Variants in SYT16 observed in about 807,000 individuals in gnomAD.
SYT16 encodes synaptotagmin-16.
A neutral mutation model predicts 61.4 loss-of-function variants in SYT16; 42 were observed. That is an observed-to-expected ratio of 0.68 (90% CI 0.53 to 0.89). The LOEUF is 0.89. Ranked by LOEUF, SYT16 falls within the 40% of genes least tolerant of loss-of-function variation. The probability of loss-of-function intolerance (pLI) is 0.00; values close to 1 mark genes in which losing one functional copy is unlikely to be tolerated. For synonymous variants in SYT16, 314 were observed against 302.3 expected (o/e 1.04, Z -0.40); for missense variants, 804 against 807.3 (o/e 1.00, Z 0.05).
chr14:61,979,583 A>G (rs1488603041), intron 2 of SYT16, among the ~76,000 whole-genome samples: 1 of 152,124 alleles, frequency 6.6e-6, no homozygotes, highest in Non-Finnish European at 1.5e-5. Flanking sequence ...TTTTCATTAG[A>G]TGATTAAAAA....
chr14:61,977,049 G>C (rs760973004), intron 2 of SYT16, among the ~76,000 whole-genome samples: 34 of 152,260 alleles, frequency 2.2e-4, no homozygotes, highest in Admixed American at 1.8e-3. Context: ...CATAGCAAGG[G>C]TGGCCTTTGC....
chr14:61,866,928 C>T (rs1377197941), intron 1 of SYT16, among the ~76,000 whole-genome samples: 1 of 151,398 alleles, frequency 6.6e-6, no homozygotes, highest in Non-Finnish European at 1.5e-5. Context: ...TATATTTTTG[C>T]TTATGTTGTG....
At position 61,830,061 on chromosome 14, in the gene SYT16, G is replaced by A. The variant is rs147185763; in HGVS notation, c.-325+17251G>A. Among the ~76,000 whole-genome samples, 321 of 152,194 alleles carry A rather than the reference G, an allele frequency of 2.1e-3. 3 individuals are homozygous for A. Among genetic ancestry groups the A allele is most frequent in the African/African-American group, 6.9e-3 (287 of 41,536 alleles). ...AAAAATTAAGTTATTGTATTTTTCA[G>A]TTCTATTATTTTCAGTTTTATTCTT... is the stretch of plus-strand genomic sequence containing the variant. On this transcript the variant is annotated intron_variant, in intron 1 of 7. Transcript: ENST00000683842.
chr14:61,909,535 C>T (rs747350415), intron 1 of SYT16, among the ~76,000 whole-genome samples: 10 of 152,150 alleles, frequency 6.6e-5, no homozygotes, highest in Non-Finnish European at 1.0e-4. Context: ...GTGTGTCTCT[C>T]CTGTGTGACT....
At chr14:62,044,027 T>A (rs554269263) in intron 3 of SYT16, among the ~76,000 whole-genome samples, 1 of 152,220 alleles carries the variant, frequency 6.6e-6, no homozygotes, top group Non-Finnish European at 1.5e-5. Context: ...AACATAGATT[T>A]GAATTGCACA....
rs533433895 is a variant in SYT16 at position 61,902,651 on chromosome 14, G to C, written c.-324-67481G>C. Among the ~76,000 whole-genome samples, 180 of 152,268 alleles carry C rather than the reference G, an allele frequency of 1.2e-3. 2 individuals are homozygous for C. The highest frequency in any genetic ancestry group is 3.4e-3 in the Middle Eastern group (1 of 294). On this transcript the variant is annotated intron_variant, in intron 1 of 7. Coordinates refer to ENST00000683842, the MANE Select transcript of SYT16 (RefSeq NM_001367656.1). ...CTTGGCTTTTGGTGGTTTGCTTGTT[G>C]TATCAGTCCATTTTCACGCTGCTGA...
intron 2 of SYT16, among the ~76,000 whole-genome samples, chr14:61,983,608 C>A (rs968823048): frequency 6.6e-6 from 1 of 152,052 alleles, no homozygotes; most frequent in Admixed American, 6.6e-5. Context: ...TCACTGTGAT[C>A]TCAACTTATT....
chr14:61,937,703 A>C (rs2050037932), intron 1 of SYT16, among the ~76,000 whole-genome samples: 1 of 152,158 alleles, frequency 6.6e-6, no homozygotes. Flanking sequence ...AATGGAAGTC[A>C]GCTTTAGGCA....
At chr14:61,873,033 G>C (rs1037711801) in intron 1 of SYT16, among the ~76,000 whole-genome samples, 1 of 151,994 alleles carries the variant, frequency 6.6e-6, no homozygotes, top group Non-Finnish European at 1.5e-5. Flanking sequence ...AGCCTTATCT[G>C]TTTGTTTTTT....
intron 3 of SYT16, among the ~76,000 whole-genome samples, chr14:62,061,575 G>A (rs1368262377): frequency 1.3e-5 from 2 of 152,216 alleles, no homozygotes; most frequent in East Asian, 1.9e-4. Context: ...CAAACTGTGA[G>A]CATAAGGAAG....
rs893346141 is a variant in SYT16, at chr14:61,923,773, TA to T, written c.-324-46351del. 2.2e-4 allele frequency among the ~76,000 whole-genome samples: 33 copies of T among 152,050 alleles called. No homozygotes were observed. The South Asian group carries it at 2.9e-3, about 13-fold the overall frequency. On this transcript the variant is annotated intron_variant, in intron 1 of 7. Coordinates refer to ENST00000683842, the MANE Select transcript of SYT16 (RefSeq NM_001367656.1). ...CTTAATTATCTAGTATTTGGTTTTT[TA>T]AAAAAAAGTTCTTGAAAATCATGCT...
At position 62,081,213 on chromosome 14, in the gene SYT16, A is replaced by T; in HGVS notation, c.1373A>T (p.His458Leu). ...GGAGAGAAACTATTCTATCTCAGCC[A>T]CCTGCACCCAGAAGGGGAAATGAAA... Reference protein sequence around the residue: ...MMGEKLFYLSHLHPEGEMKVT... With the variant: ...MMGEKLFYLSLLHPEGEMKVT... Residue 458 changes from histidine to leucine, a missense_variant, in exon 6 of 8, where the codon CAC (histidine) becomes CTC (leucine). Transcript: ENST00000683842. 5.6e-6 allele frequency: 9 copies of T among 1,613,992 alleles called. No homozygotes were observed. Among genetic ancestry groups the T allele is most frequent in the Non-Finnish European group, 7.6e-6 (9 of 1,179,878 alleles).
Position 61,873,898 on chromosome 14 carries a change from C to T in SYT16, c.-325+61088C>T, listed in dbSNP as rs543639156. Among the ~76,000 whole-genome samples the T allele has an allele frequency of 1.4e-4, 21 of 152,188 alleles. No homozygotes were observed. In the East Asian group the frequency reaches 3.5e-3, roughly 25 times the overall value. Reference sequence around the variant, plus strand: ...GGGATGGTGGGCCTTTTAAAATTTTCGTATGTATTGTGAAATGTTGGATAT... The same window carrying T: ...GGGATGGTGGGCCTTTTAAAATTTTTGTATGTATTGTGAAATGTTGGATAT... On this transcript the variant is annotated intron_variant, in intron 1 of 7. Coordinates refer to ENST00000683842, the MANE Select transcript of SYT16 (RefSeq NM_001367656.1).
At chr14:62,096,254 A>G (rs1170656150) in intron 7 of SYT16, among the ~76,000 whole-genome samples, 1 of 152,080 alleles carries the variant, frequency 6.6e-6, no homozygotes, top group African/African-American at 2.4e-5. Flanking sequence ...AACTGACTAT[A>G]AATGAAGCTG....
intron 2 of SYT16, among the ~76,000 whole-genome samples, chr14:61,984,161 C>A (rs1274226754): frequency 1.3e-5 from 2 of 152,170 alleles, no homozygotes; most frequent in Non-Finnish European, 2.9e-5. Context: ...AATGCCTCCA[C>A]CCCTTCTGCC....
intron 3 of SYT16, among the ~76,000 whole-genome samples, chr14:62,005,625 TAAG>T (rs1451200986): frequency 6.6e-6 from 1 of 152,188 alleles, no homozygotes; most frequent in Admixed American, 6.5e-5. Flanking sequence ...ACAGGCAAAA[TAAG>T]AGCAGTAGAA....
chr14:61,898,426 C>G (rs1029278717), intron 1 of SYT16, among the ~76,000 whole-genome samples: 3 of 152,166 alleles, frequency 2.0e-5, no homozygotes, highest in Non-Finnish European at 4.4e-5. Flanking sequence ...ATAACCCCCT[C>G]CACCCCATTT....
At chr14:61,844,550 G>A (rs535678413) in intron 1 of SYT16, among the ~76,000 whole-genome samples, 18 of 152,168 alleles carry the variant, frequency 1.2e-4, no homozygotes, top group African/African-American at 3.9e-4. Context: ...TTATGTTGAG[G>A]TATGTTCCTC....
intron 1 of SYT16, among the ~76,000 whole-genome samples, chr14:61,830,533 C>CAG: frequency 6.6e-6 from 1 of 152,220 alleles, no homozygotes; most frequent in South Asian, 2.1e-4. Flanking sequence ...CAAAACTTTA[C>CAG]TATGTTGACT....
Sources: allele counts gnomAD v4.1 joint callset (sites outside exome capture counted in the v4.1 genomes callset), GRCh38; gene constraint gnomAD v4.1.1; transcripts MANE v1.5; gene names NCBI Gene and HGNC (gene_info 2026-07-23, HGNC 2026-07-21).